SEMA6D: variants seen among roughly 807,000 people sequenced by gnomAD.
SEMA6D encodes semaphorin-6D.
SEMA6D carries 35 observed loss-of-function variants against 106.6 expected under a neutral mutation model. That is an observed-to-expected ratio of 0.33 (90% CI 0.25 to 0.44). The LOEUF (loss-of-function observed/expected upper bound fraction) is 0.44. SEMA6D is among the 20% of genes least tolerant of loss of function. SEMA6D has a pLI of 1.00. For missense variants in SEMA6D, 1,185 were observed against 1,345.9 expected (o/e 0.88, Z 1.87); for synonymous variants, 499 against 487.7 (o/e 1.02, Z -0.31).
At chr15:47,501,304 T>A (rs998617862) in intron 3 of SEMA6D, among the ~76,000 whole-genome samples, 3 of 152,146 alleles carry the variant, frequency 2.0e-5, no homozygotes, top group Admixed American at 6.6e-5. Context: ...GCTTCTCACT[T>A]CCCTTCCTCG....
intron 1 of SEMA6D, among the ~76,000 whole-genome samples, chr15:47,357,878 T>G (rs1475441206): frequency 6.6e-6 from 1 of 152,254 alleles, no homozygotes; most frequent in Non-Finnish European, 1.5e-5. Context: ...TTTCACTCTT[T>G]TAGCAATGAC....
At chr15:47,430,176 C>T (rs1183416735) in intron 2 of SEMA6D, among the ~76,000 whole-genome samples, 1 of 151,948 alleles carries the variant, frequency 6.6e-6, no homozygotes, top group Non-Finnish European at 1.5e-5. Context: ...TCTTTTTTTC[C>T]CACTTCACAT....
chr15:47,226,461 A>G (rs1422328792), intron 1 of SEMA6D, among the ~76,000 whole-genome samples: 1 of 152,126 alleles, frequency 6.6e-6, no homozygotes, highest in Non-Finnish European at 1.5e-5. Flanking sequence ...CTGAGTAGTG[A>G]CAATAGATGC....
At chr15:47,464,995 T>A (rs767849703) in intron 2 of SEMA6D, among the ~76,000 whole-genome samples, 5 of 152,118 alleles carry the variant, frequency 3.3e-5, no homozygotes, top group Non-Finnish European at 5.9e-5. Context: ...TAAATTAAAG[T>A]GAGCCTCAAG....
intron 3 of SEMA6D, among the ~76,000 whole-genome samples, chr15:47,537,285 A>G (rs2045198960): frequency 6.6e-6 from 1 of 152,246 alleles, no homozygotes; most frequent in Non-Finnish European, 1.5e-5. Flanking sequence ...ACAACAAAGC[A>G]GACCCTCCTT....
chr15:47,241,124 A>G (rs1198406447), intron 1 of SEMA6D: 1 of 152,208 alleles, frequency 6.6e-6, no homozygotes, highest in African/African-American at 2.4e-5. Context: ...CTAGACTTAA[A>G]TAAAACAATG....
intron 1 of SEMA6D, among the ~76,000 whole-genome samples, chr15:47,271,373 G>T (rs753246778): frequency 6.6e-6 from 1 of 152,200 alleles, no homozygotes; most frequent in Non-Finnish European, 1.5e-5. Flanking sequence ...CTGGGAATAT[G>T]CAAGGGAAGG....
At chr15:47,562,299 T>C (rs935516134) in intron 3 of SEMA6D, among the ~76,000 whole-genome samples, 1 of 152,042 alleles carries the variant, frequency 6.6e-6, no homozygotes, top group African/African-American at 2.4e-5. Context: ...TAAAAACTTA[T>C]TTCAAATGCA....
intron 1 of SEMA6D, among the ~76,000 whole-genome samples, chr15:47,722,500 CT>C (rs2079481877): frequency 6.6e-6 from 1 of 151,362 alleles, no homozygotes; most frequent in Non-Finnish European, 1.5e-5. Flanking sequence ...AATAAGATAT[CT>C]GTTATAGTAG....
At chr15:47,433,318 C>T (rs937556051) in intron 2 of SEMA6D, among the ~76,000 whole-genome samples, 2 of 151,694 alleles carry the variant, frequency 1.3e-5, no homozygotes, top group South Asian at 2.1e-4. Flanking sequence ...GAGGCATTAT[C>T]GCCAAGTATT....
intron 3 of SEMA6D, among the ~76,000 whole-genome samples, chr15:47,521,725 C>T (rs1185346854): frequency 6.6e-6 from 1 of 152,184 alleles, no homozygotes; most frequent in Non-Finnish European, 1.5e-5. Flanking sequence ...GTGGCTCACG[C>T]CTGTAATCCC....
At chr15:47,263,670 A>T (rs1197891279) in intron 1 of SEMA6D, among the ~76,000 whole-genome samples, 1 of 151,878 alleles carries the variant, frequency 6.6e-6, no homozygotes, top group African/African-American at 2.4e-5. Context: ...GATTCCCCGA[A>T]GACTTAATGG....
chr15:47,479,066 C>T (rs1261619012), intron 3 of SEMA6D, among the ~76,000 whole-genome samples: 1 of 152,100 alleles, frequency 6.6e-6, no homozygotes, highest in African/African-American at 2.4e-5. Context: ...AGCTACAATT[C>T]AAGATGAGAT....
At chr15:47,191,488 G>A (rs1893956315) in intron 1 of SEMA6D, among the ~76,000 whole-genome samples, 1 of 152,076 alleles carries the variant, frequency 6.6e-6, no homozygotes, top group Admixed American at 6.6e-5. Context: ...TATGATCAAG[G>A]CAACTTGACT....
chr15:47,350,795 C>A (rs542528794), intron 1 of SEMA6D, among the ~76,000 whole-genome samples: 1 of 152,274 alleles, frequency 6.6e-6, no homozygotes, highest in African/African-American at 2.4e-5. Flanking sequence ...AGTGAAAGTA[C>A]GACTGTTAAG....
intron 3 of SEMA6D, among the ~76,000 whole-genome samples, chr15:47,476,901 G>A (rs1208861743): frequency 1.3e-5 from 2 of 152,002 alleles, no homozygotes; most frequent in South Asian, 2.1e-4. Flanking sequence ...ATCCAAAAAT[G>A]TGTCAGTACT....
chr15:47,390,933 A>G (rs1229077831), intron 1 of SEMA6D, among the ~76,000 whole-genome samples: 1 of 152,160 alleles, frequency 6.6e-6, no homozygotes, highest in African/African-American at 2.4e-5. Context: ...AAGCAGAGTC[A>G]AGAGTTTGCA....
At chr15:47,405,561 A>G (rs1184374279) in intron 1 of SEMA6D, among the ~76,000 whole-genome samples, 1 of 152,148 alleles carries the variant, frequency 6.6e-6, no homozygotes, top group Non-Finnish European at 1.5e-5. Context: ...TATAAAATGA[A>G]TCAGTGCCTC....
At chr15:47,451,993 C>T (rs555873883) in intron 2 of SEMA6D, among the ~76,000 whole-genome samples, 8 of 152,068 alleles carry the variant, frequency 5.3e-5, no homozygotes, top group African/African-American at 1.9e-4. Context: ...CACCTGATCG[C>T]GTCTTTTTGT....
Sources: allele counts gnomAD v4.1 joint callset (sites outside exome capture counted in the v4.1 genomes callset), GRCh38; gene constraint gnomAD v4.1.1; transcripts MANE v1.5; gene names NCBI Gene and HGNC (gene_info 2026-07-23, HGNC 2026-07-21).